GMIP: variants seen among roughly 807,000 people sequenced by gnomAD.
GMIP encodes the protein GEM-interacting protein.
A neutral mutation model predicts 105.3 loss-of-function variants in GMIP; 54 were observed. The observed-to-expected ratio is 0.51, with a 90% CI of 0.41 to 0.64. GMIP has a LOEUF of 0.64. Ranked by LOEUF, GMIP falls within the 30% of genes least tolerant of loss-of-function variation. GMIP has a pLI of 0.00. For missense variants in GMIP, 1,110 were observed against 1,319.4 expected (o/e 0.84, Z 2.46); for synonymous variants, 541 against 560.8 (o/e 0.96, Z 0.50).
chr19:19,635,726 G>A lies in GMIP; in HGVS notation c.1328-5C>T. 1 of 1,613,300 alleles carries A rather than the reference G, an allele frequency of 6.2e-7. No homozygotes were observed. Among genetic ancestry groups the A allele is most frequent in the Non-Finnish European group, 8.5e-7 (1 of 1,179,304 alleles). ...CCAGCTGCCTCGTGCCAGCGCCTGG[G>A]GTCAGAGGAATCATGGGAGATTCCT... On this transcript the variant is annotated splice_polypyrimidine_tract_variant and splice_region_variant and intron_variant, in intron 13 of 20. Coordinates refer to ENST00000203556, the MANE Select transcript of GMIP (RefSeq NM_016573.4). The surrounding 1 kb of genome is among the most constrained non-coding windows in gnomAD (Gnocchi z 4.7).
In GMIP at chr19:19,642,027, G is replaced by T; in HGVS notation, c.129C>A (p.Asp43Glu). The T allele has an allele frequency of 6.2e-7, 1 of 1,613,474 alleles. No homozygotes were observed. The highest frequency in any genetic ancestry group is 8.5e-7 in the Non-Finnish European group (1 of 1,179,496). The change falls in exon 3 of 21, where the codon GAC becomes GAA. Residue 43 changes from aspartate to glutamate, a missense_variant. Asp to Glu is a conservative substitution (Grantham distance 45). Around this residue, in one of 3 missense-constraint regions of GMIP, gnomAD observed 667 missense variants for 773.2 expected, o/e 0.86. Transcript: ENST00000203556. ...GTTCTGGGTCTTCTGAGAGTAGAGG[G>T]TCTCCAGCCAGCATCTCAAGGGTCC... ...GNVTLEMLAG[D>E]PLLSEDPEPD...
intron 4 of GMIP, among the ~76,000 whole-genome samples, chr19:19,641,298 G>A (rs2061916760): frequency 6.7e-6 from 1 of 150,146 alleles, no homozygotes; most frequent in Non-Finnish European, 1.5e-5. Flanking sequence ...TAGCCAGGAT[G>A]GTCTCGATCT....
rs751402180 is a variant in GMIP, at chr19:19,640,502, G to T, written c.308C>A (p.Thr103Asn). ...GVDAALEYAKTWSRYAKELLA... is the reference protein window; with the variant it reads ...GVDAALEYAKNWSRYAKELLA... ...CAGTTCCTTGGCATAGCGGCTCCAGGTCTTGGCATATTCCAGGGCTGCGTC... is the reference window on the plus strand; with the variant it reads ...CAGTTCCTTGGCATAGCGGCTCCAGTTCTTGGCATATTCCAGGGCTGCGTC... Residue 103 changes from threonine to asparagine, a missense_variant, in exon 5 of 21, where the codon ACC becomes AAC. By Grantham distance (65) the Thr-to-Asn change is moderately conservative (BLOSUM62 0). Transcript: ENST00000203556. 2 of 1,614,072 alleles carry T rather than the reference G, an allele frequency of 1.2e-6. No homozygotes were observed. The highest frequency in any genetic ancestry group is 2.2e-5 in the South Asian group (2 of 91,080).
In GMIP at chr19:19,638,331, T is replaced by C. The variant is rs779089917; in HGVS notation, c.619-2A>G. On this transcript the variant is annotated splice_acceptor_variant, in intron 8 of 20. Transcript: ENST00000203556. LOFTEE classifies it high-confidence loss of function. Reference sequence around the variant, plus strand: ...CCGCAGTGCCTGCACCGCCTCATTCTGGGGGATGATGAGAAGGTCAGCGTC... The same window carrying C: ...CCGCAGTGCCTGCACCGCCTCATTCCGGGGGATGATGAGAAGGTCAGCGTC... The C allele has an allele frequency of 1.9e-6, 3 of 1,613,934 alleles. No homozygotes were observed. The highest frequency in any genetic ancestry group is 2.5e-6 in the Non-Finnish European group (3 of 1,180,022).
At chr19:19,639,374 C>A (rs1011570886) in intron 7 of GMIP, among the ~76,000 whole-genome samples, 8 of 151,906 alleles carry the variant, frequency 5.3e-5, no homozygotes, top group Non-Finnish European at 1.2e-4. Flanking sequence ...AGCCACCGTG[C>A]CAGGCTGGAC....
At position 19,634,175 on chromosome 19, in the gene GMIP, A is replaced by G; in HGVS notation, c.2100T>C (p.Phe700=). 1.2e-6 allele frequency: 2 copies of G among 1,600,120 alleles called. No homozygotes were observed. The highest frequency in any genetic ancestry group is 1.7e-6 in the Non-Finnish European group (2 of 1,171,076). The part of the protein sequence containing the change: ...VAHLFRVAAR[F]MENKMSANNL... ...TGTTGGCAGACATCTTGTTTTCCAT[A>G]AATCGTGCAGCCACCCTGGGGATGG... The change falls in exon 19 of 21, where the codon TTT becomes TTC. Residue 700 remains phenylalanine, a synonymous_variant. Coordinates refer to ENST00000203556, the MANE Select transcript of GMIP (RefSeq NM_016573.4). The surrounding 1 kb of genome is among the most constrained non-coding windows in gnomAD (Gnocchi z 6.1).
rs1441859434 is a variant in GMIP at position 19,637,109 on chromosome 19, C to G, written c.1125-80G>C. On this transcript the variant is annotated intron_variant, in intron 11 of 20. Coordinates refer to ENST00000203556, the MANE Select transcript of GMIP (RefSeq NM_016573.4). The surrounding 1 kb of genome is among the most constrained non-coding windows in gnomAD (Gnocchi z 6.7). ...GGCACCCAGGCATCATGTCTAGGTA[C>G]CAACTCCAAGCACTTGGGTCTGCAA... 1 of 943,990 alleles carries G rather than the reference C, an allele frequency of 1.1e-6. No individual in the cohort carries two copies. The highest frequency in any genetic ancestry group is 1.6e-6 in the Non-Finnish European group (1 of 609,276). The allele number at this position is 943,990 out of a possible 1,614,324, so 58.5% of individuals were successfully genotyped here. A position where few individuals can be genotyped will look rare whatever the true frequency, so the allele number is the denominator to read the frequency against.
Position 19,630,594 on chromosome 19 carries a change from T to C in GMIP, c.2473-57A>G. The C allele has an allele frequency of 6.8e-7, 1 of 1,464,946 alleles. No individual in the cohort carries two copies. The highest frequency in any genetic ancestry group is 9.6e-7 in the Non-Finnish European group (1 of 1,044,528). 90.7% of individuals were successfully genotyped at this position (1,464,946 alleles called of 1,614,324 possible). Reference sequence around the variant, plus strand: ...ACACTAAAATCCCAGTTCTTTGAGATTCCTGGAGAGCCAAGGGCTTGTTCC... The same window carrying C: ...ACACTAAAATCCCAGTTCTTTGAGACTCCTGGAGAGCCAAGGGCTTGTTCC... On this transcript the variant is annotated intron_variant, in intron 19 of 20. Coordinates refer to ENST00000203556, the MANE Select transcript of GMIP (RefSeq NM_016573.4). The surrounding 1 kb of genome is among the most constrained non-coding windows in gnomAD (Gnocchi z 4.8).
intron 19 of GMIP, 77 bp downstream of exon 19, chr19:19,633,726 G>C: frequency 9.2e-7 from 1 of 1,086,580 alleles, no homozygotes; most frequent in Non-Finnish European, 1.2e-6. Flanking sequence ...TAAAAAGGAA[G>C]GAAGGTGAAA....
At position 19,633,969 on chromosome 19, in the gene GMIP, G is replaced by T; in HGVS notation, c.2306C>A (p.Pro769Gln). 1.3e-6 allele frequency: 2 copies of T among 1,590,624 alleles called. No individual in the cohort carries two copies. Residue 769 changes from proline to glutamine, a missense_variant, in exon 19 of 21, where the codon CCG becomes CAG. This residue lies in a region of GMIP where 394 missense variants were observed against 450.5 expected (regional missense o/e 0.87). Coordinates refer to ENST00000203556, the MANE Select transcript of GMIP (RefSeq NM_016573.4). ...AGGGGCTGGGCTGGAGTCTTGGGGC[G>T]GGGGCTCAGTGGCCTGGGGGAGCTC... ...MDELPQATEP[P>Q]PQDSSPAPGP...
At chr19:19,639,149 T>G (rs1269898322) in intron 7 of GMIP, among the ~76,000 whole-genome samples, 2 of 151,940 alleles carry the variant, frequency 1.3e-5, no homozygotes, top group Non-Finnish European at 2.9e-5. Flanking sequence ...TTGCCCAGGT[T>G]AGTCTCGAAC....
intron 7 of GMIP, among the ~76,000 whole-genome samples, chr19:19,638,944 A>C (rs1327434549): frequency 6.6e-6 from 1 of 151,688 alleles, no homozygotes; most frequent in African/African-American, 2.4e-5. Context: ...TAAAGATGTG[A>C]TGGCACACTC....
rs371499382 is a variant in GMIP, at chr19:19,637,792, C to A, written c.927+128G>T. ...GGAGCCGAGACAGTGGGTCTGGGGG[C>A]GGGAACTGGCTGTCGAGGGAAATGG... On this transcript the variant is annotated intron_variant, in intron 10 of 20. Transcript: ENST00000203556. This position sits in a 1 kb window ranked among gnomAD's most constrained non-coding sequence, Gnocchi z 6.7. 2.2e-4 allele frequency: 235 copies of A among 1,049,896 alleles called. 3 individuals are homozygous for A. The South Asian group carries it at 3.0e-3, about 13-fold the overall frequency. The allele number at this position is 1,049,896 out of a possible 1,614,324, so 65.0% of individuals were successfully genotyped here.
chr19:19,633,763 T>C, intron 19 of GMIP, 40 bp downstream of exon 19: 1 of 1,351,486 alleles, frequency 7.4e-7, no homozygotes, highest in Non-Finnish European at 9.7e-7. Context: ...TGAACAGAGA[T>C]AAGGCCCTCT....
At position 19,633,827 on chromosome 19, in the gene GMIP, C is replaced by T; in HGVS notation, c.2448G>A (p.Gln816=). Residue 816 remains glutamine, a synonymous_variant, in exon 19 of 21, where the codon CAG becomes CAA. Coordinates refer to ENST00000203556, the MANE Select transcript of GMIP (RefSeq NM_016573.4). ...PDPQHHSTLE[Q]HPTATPTEIP... ...CCTCGGTAGGTGTGGCCGTGGGATG[C>T]TGCTCCAGGGTACTGTGGTGCTGGG... 2.0e-6 allele frequency: 3 copies of T among 1,473,482 alleles called. No individual in the cohort carries two copies. The highest frequency in any genetic ancestry group is 3.0e-5 in the South Asian group (2 of 66,984). The allele number at this position is 1,473,482 out of a possible 1,614,324, so 91.3% of individuals were successfully genotyped here. A position where few individuals can be genotyped will look rare whatever the true frequency, so the allele number is the denominator to read the frequency against.
In GMIP at chr19:19,637,452, T is replaced by G; in HGVS notation, c.1037A>C (p.Gln346Pro). The change falls in exon 11 of 21, where the codon CAG becomes CCG. Residue 346 changes from glutamine to proline, a missense_variant. Physicochemically the swap from Gln to Pro is moderately conservative, Grantham distance 76. This residue lies in a region of GMIP where 667 missense variants were observed against 773.2 expected (regional missense o/e 0.86). Transcript: ENST00000203556. The surrounding 1 kb of genome is among the most constrained non-coding windows in gnomAD (Gnocchi z 6.7). ...CAPFEPGQRY[Q>P]EFVRALRPEA... ...GGGCCGCAGCGCCCGTACAAACTCC[T>G]GGTAGCGCTGGCCCGGCTCAAAGGG... 6.5e-7 allele frequency: 1 copy of G among 1,527,036 alleles called. No individual in the cohort carries two copies. The highest frequency in any genetic ancestry group is 8.8e-7 in the Non-Finnish European group (1 of 1,140,084). The allele number at this position is 1,527,036 out of a possible 1,614,324, so 94.6% of individuals were successfully genotyped here.
rs2061782251 is a variant in GMIP, at chr19:19,630,355, G to A, written c.2540-19C>T. 6.5e-7 allele frequency: 1 copy of A among 1,547,540 alleles called. No individual in the cohort carries two copies. The highest frequency in any genetic ancestry group is 8.7e-7 in the Non-Finnish European group (1 of 1,147,796). ...CTGGACACTGTGTACGGGGTGGGTG[G>A]TCAGTGCAGAGCACCTCCAAGTTCT... On this transcript the variant is annotated intron_variant, in intron 20 of 20. Transcript: ENST00000203556. This position sits in a 1 kb window ranked among gnomAD's most constrained non-coding sequence, Gnocchi z 4.8.
chr19:19,634,502 C>A lies in GMIP; in HGVS notation c.2084+5G>T, dbSNP rs779985636. 1 of 1,601,920 alleles carries A rather than the reference C, an allele frequency of 6.2e-7. No individual in the cohort carries two copies. Among genetic ancestry groups the A allele is most frequent in the Non-Finnish European group, 8.5e-7 (1 of 1,176,130 alleles). On this transcript the variant is annotated splice_donor_5th_base_variant and intron_variant, in intron 18 of 20. Transcript: ENST00000203556. This position sits in a 1 kb window ranked among gnomAD's most constrained non-coding sequence, Gnocchi z 6.1. The stretch of plus-strand genomic sequence containing the variant: ...GCGTTTCAAGGCTCAGGGACCCATG[C>A]ACACCTGAACAGATGGGCCACCAGG...
intron 7 of GMIP, 27 bp downstream of exon 7, chr19:19,640,058 T>C: frequency 1.5e-6 from 2 of 1,330,412 alleles, no homozygotes; most frequent in Non-Finnish European, 2.2e-6. Flanking sequence ...GGGTGACCTC[T>C]GTAACATTCC....
Sources: allele counts gnomAD v4.1 joint callset (sites outside exome capture counted in the v4.1 genomes callset), GRCh38; gene constraint gnomAD v4.1.1; regional missense constraint gnomAD v4.1.1; non-coding constraint Gnocchi (gnomAD v3.1); transcripts MANE v1.5; gene names NCBI Gene and HGNC (gene_info 2026-07-23, HGNC 2026-07-21).